CALB1: variants seen among roughly 807,000 people sequenced by gnomAD.
CALB1 encodes calbindin 1, also known as calbindin.
In CALB1, 16 loss-of-function variants were observed where a neutral mutation model predicts 46.7. The ratio of observed to expected loss-of-function variants is 0.34; its 90% confidence interval spans 0.23 to 0.52. The LOEUF is 0.52. Among genes scored for constraint, CALB1 ranks in the 20% least tolerant of loss-of-function variants. The pLI is 0.95. For synonymous variants in CALB1, 90 were observed against 112.8 expected, an observed-to-expected ratio of 0.80 and a Z score of 1.28; for missense variants, 224 against 300.3, an observed-to-expected ratio of 0.75 and a Z score of 1.88.
chr8:90,072,490 T>G (rs540674754), intron 3 of CALB1, among the ~76,000 whole-genome samples: 1 of 152,352 alleles, frequency 6.6e-6, no homozygotes, highest in South Asian at 2.1e-4. Context: ...TTATAAATGT[T>G]AGAAAGGAGT....
At chr8:90,060,732 C>G (rs369622639) in intron 9 of CALB1, 32 bp from the exon 10 acceptor site, 2 of 1,456,800 alleles carry the variant, frequency 1.4e-6, no homozygotes, top group African/African-American at 1.4e-5. Flanking sequence ...AGTATACAAC[C>G]AACTCCATCT....
rs768617713 is a variant in CALB1, at chr8:90,065,904, G to A, written c.444C>T (p.Asp148=). 4 of 1,603,012 alleles carry A rather than the reference G, an allele frequency of 2.5e-6. No individual in the cohort carries two copies. Among genetic ancestry groups the A allele is most frequent in the Non-Finnish European group, 3.4e-6 (4 of 1,170,354 alleles). ...TTTTCAAGATCAGTCTTACCATTAG[G>A]TCTGTATACTCGGCTAATTTTGTGT... ...VDDTKLAEYT[D]LMLKLFDSNN... is the part of the protein sequence containing the mutation. Residue 148 remains aspartate (D), a synonymous_variant, in exon 6 of 11, where the codon GAC becomes GAT. Transcript: ENST00000265431.
intron 5 of CALB1, 56 bp from the exon 6 acceptor site, chr8:90,066,031 C>T: frequency 5.2e-6 from 6 of 1,164,656 alleles, no homozygotes; most frequent in Non-Finnish European, 7.6e-6. Context: ...CGTCTACTTT[C>T]ATTTCAGAAT....
chr8:90,074,166 G>T (rs1238433075), intron 3 of CALB1, among the ~76,000 whole-genome samples: 1 of 152,030 alleles, frequency 6.6e-6, no homozygotes, highest in Admixed American at 6.6e-5. Flanking sequence ...AATAAGTGGG[G>T]GAAAAGGCTT....
At chr8:90,078,538 A>G in intron 2 of CALB1, 91 bp from the exon 3 acceptor site, 2 of 715,572 alleles carry the variant, frequency 2.8e-6, no homozygotes, top group Non-Finnish European at 4.8e-6. Context: ...AAGAAAAACC[A>G]AAATTAGAAC....
chr8:90,082,523 G>A (rs1036217560), intron 1 of CALB1, 96 bp downstream of exon 1: 20 of 975,648 alleles, frequency 2.0e-5, no homozygotes, highest in Non-Finnish European at 3.3e-5. Context: ...AGAATAGAAA[G>A]GAGGGATAAT....
intron 5 of CALB1, among the ~76,000 whole-genome samples, chr8:90,066,310 A>C (rs532342535): frequency 1.3e-5 from 2 of 152,160 alleles, no homozygotes; most frequent in African/African-American, 4.8e-5. Context: ...ATTTCTTCTT[A>C]CTGATATCTT....
At chr8:90,080,474 C>T (rs1473276128) in intron 2 of CALB1, among the ~76,000 whole-genome samples, 1 of 151,798 alleles carries the variant, frequency 6.6e-6, no homozygotes, top group Admixed American at 6.6e-5. Flanking sequence ...ACTTTTCCAA[C>T]CTGATTTTAA....
At chr8:90,072,793 C>T (rs1159896261) in intron 3 of CALB1, among the ~76,000 whole-genome samples, 2 of 152,258 alleles carry the variant, frequency 1.3e-5, no homozygotes, top group South Asian at 2.1e-4. Flanking sequence ...GTATCCAATA[C>T]TTCTTATTAC....
At chr8:90,081,065 C>T (rs1029889486) in intron 2 of CALB1, among the ~76,000 whole-genome samples, 1 of 152,036 alleles carries the variant, frequency 6.6e-6, no homozygotes, top group East Asian at 1.9e-4. Flanking sequence ...ACCCATTTTC[C>T]TCTGGACAAC....
At position 90,065,926 on chromosome 8, in the gene CALB1, G is replaced by A. The variant is rs1232776036; in HGVS notation, c.422C>T (p.Thr141Ile). Residue 141 changes from threonine to isoleucine, a missense_variant, in exon 6 of 11, where the codon ACA becomes ATA. By Grantham distance (89) the Thr-to-Ile change is moderately conservative (BLOSUM62 -1). Transcript: ENST00000265431. ...TAGGTCTGTATACTCGGCTAATTTTGTGTCATCAACAGTCTTGTTTGCTTT... is the reference window on the plus strand; with the variant it reads ...TAGGTCTGTATACTCGGCTAATTTTATGTCATCAACAGTCTTGTTTGCTTT... ...LEKANKTVDD[T>I]KLAEYTDLML... 3 of 1,611,164 alleles carry A rather than the reference G, an allele frequency of 1.9e-6. No homozygotes were observed. Among genetic ancestry groups the A allele is most frequent in the Non-Finnish European group, 1.7e-6 (2 of 1,177,754 alleles).
chr8:90,063,348 A>G (rs1422255594), intron 7 of CALB1, 28 bp from the exon 8 acceptor site: 1 of 1,577,096 alleles, frequency 6.3e-7, no homozygotes, highest in South Asian at 1.1e-5. Flanking sequence ...TTATATTAAT[A>G]TATTACATTT....
chr8:90,072,972 G>C (rs1256227582), intron 3 of CALB1, among the ~76,000 whole-genome samples: 1 of 141,012 alleles, frequency 7.1e-6, no homozygotes, highest in African/African-American at 2.8e-5. Flanking sequence ...TCTGAGAACT[G>C]ATTGCTTGTT....
chr8:90,071,684 A>C (rs1814520033), intron 3 of CALB1, among the ~76,000 whole-genome samples: 1 of 152,226 alleles, frequency 6.6e-6, no homozygotes, highest in Admixed American at 6.5e-5. Flanking sequence ...TTTTGAGGGA[A>C]AGATTGAACA....
chr8:90,063,207 G>T, intron 8 of CALB1, 54 bp from the exon 9 acceptor site: 1 of 1,533,246 alleles, frequency 6.5e-7, no homozygotes, highest in Non-Finnish European at 9.0e-7. Context: ...GTTTCAGTAT[G>T]TTTCCCTTGA....
At position 90,065,861 on chromosome 8, in the gene CALB1, G is replaced by A. The variant is rs545240386; in HGVS notation, c.450+37C>T. ...TAGCAAGAACATCATACTACTTCAT[G>A]AGCTCTTGGGTACAATCTTTTCAAG... On this transcript the variant is annotated intron_variant, in intron 6 of 10. Coordinates refer to ENST00000265431, the MANE Select transcript of CALB1 (RefSeq NM_004929.4). 4.5e-6 allele frequency: 6 copies of A among 1,325,326 alleles called. No individual in the cohort carries two copies. In the African/African-American group the frequency reaches 8.7e-5, roughly 19 times the overall value. The allele number at this position is 1,325,326 out of a possible 1,614,324, so 82.1% of individuals were successfully genotyped here.
intron 3 of CALB1, among the ~76,000 whole-genome samples, chr8:90,075,727 C>T: frequency 6.6e-6 from 1 of 152,018 alleles, no homozygotes; most frequent in East Asian, 1.9e-4. Context: ...TTCAGAATTT[C>T]TCTTTTCTTC....
At chr8:90,072,555 A>C (rs1460988042) in intron 3 of CALB1, among the ~76,000 whole-genome samples, 4 of 152,212 alleles carry the variant, frequency 2.6e-5, no homozygotes, top group African/African-American at 9.7e-5. Flanking sequence ...AGTGAATGTA[A>C]AGAAATCTTT....
At chr8:90,076,338 T>G (rs1814622248) in intron 3 of CALB1, among the ~76,000 whole-genome samples, 1 of 152,072 alleles carries the variant, frequency 6.6e-6, no homozygotes, top group African/African-American at 2.4e-5. Context: ...CAGAATAGTT[T>G]GGGGGAACAT....
Sources: allele counts gnomAD v4.1 joint callset (sites outside exome capture counted in the v4.1 genomes callset), GRCh38; gene constraint gnomAD v4.1.1; transcripts MANE v1.5; gene names NCBI Gene and HGNC (gene_info 2026-07-23, HGNC 2026-07-21).